WWOX: variants seen among roughly 807,000 people sequenced by gnomAD.
The protein encoded by WWOX is WW domain-containing oxidoreductase.
In WWOX, 69 loss-of-function variants were observed where a neutral mutation model predicts 46.2. The ratio of observed to expected loss-of-function variants is 1.49; its 90% CI spans 1.23 to 1.82. The LOEUF (loss-of-function observed/expected upper bound fraction) is 1.82, where lower values mean the gene tolerates loss of function less well. WWOX is among the 40% of genes most tolerant of loss of function. WWOX has a pLI of 0.00. For missense variants in WWOX, 919 were observed against 542.6 expected, an observed-to-expected ratio of 1.69 and a Z score of -6.89; for synonymous variants, 359 against 202.6, an observed-to-expected ratio of 1.77 and a Z score of -6.56.
chr16:79,159,260 A>G (rs1424569392), intron 8 of WWOX, among the ~76,000 whole-genome samples: 1 of 151,952 alleles, frequency 6.6e-6, no homozygotes, highest in Non-Finnish European at 1.5e-5. Flanking sequence ...ACCTAATCTC[A>G]TTCGGTGCAT....
intron 5 of WWOX, among the ~76,000 whole-genome samples, chr16:78,239,598 G>T (rs527839621): frequency 6.6e-6 from 1 of 152,042 alleles, no homozygotes; most frequent in African/African-American, 2.4e-5. Context: ...GCAGCAGCGC[G>T]ATCTTGGCTC....
chr16:78,254,224 C>T (rs1009338818), intron 5 of WWOX, among the ~76,000 whole-genome samples: 1 of 151,744 alleles, frequency 6.6e-6, no homozygotes, highest in South Asian at 2.1e-4. Flanking sequence ...CCAAGCTCGG[C>T]TAAATTTTTT....
chr16:79,182,287 G>A (rs1396961712), intron 8 of WWOX, among the ~76,000 whole-genome samples: 1 of 152,010 alleles, frequency 6.6e-6, no homozygotes, highest in East Asian at 1.9e-4. Context: ...TCCTGGCCCT[G>A]CCCCATGATA....
intron 8 of WWOX, among the ~76,000 whole-genome samples, chr16:79,161,369 A>G (rs2050483184): frequency 1.3e-5 from 2 of 152,172 alleles, no homozygotes; most frequent in African/African-American, 4.8e-5. Flanking sequence ...GTTGTTGTTA[A>G]GGATGAAATG....
chr16:78,864,446 T>G (rs142127052), intron 8 of WWOX, among the ~76,000 whole-genome samples: 125 of 152,164 alleles, frequency 8.2e-4, no homozygotes, highest in African/African-American at 2.8e-3. Flanking sequence ...TTTTGTATTT[T>G]TTTGTAGAGG....
intron 5 of WWOX, among the ~76,000 whole-genome samples, chr16:78,324,113 T>A (rs1759926594): frequency 6.6e-6 from 1 of 152,056 alleles, no homozygotes; most frequent in African/African-American, 2.4e-5. Flanking sequence ...AAGGATGGGA[T>A]TTGAACGTCT....
At chr16:79,129,282 A>G (rs1001442946) in intron 8 of WWOX, among the ~76,000 whole-genome samples, 1 of 150,940 alleles carries the variant, frequency 6.6e-6, no homozygotes, top group Non-Finnish European at 1.5e-5. Flanking sequence ...GTGCTGCCCA[A>G]TATTAAAAGA....
chr16:78,752,121 T>A (rs1164618626), intron 8 of WWOX, among the ~76,000 whole-genome samples: 1 of 152,228 alleles, frequency 6.6e-6, no homozygotes, highest in African/African-American at 2.4e-5. Flanking sequence ...GTTGTCTCAA[T>A]CCATAAAAGA....
chr16:78,553,979 G>T (rs1489899483), intron 8 of WWOX, among the ~76,000 whole-genome samples: 1 of 152,108 alleles, frequency 6.6e-6, no homozygotes, highest in African/African-American at 2.4e-5. Context: ...ATGCTCTACT[G>T]AGGAGTGGAA....
chr16:79,006,736 C>G (rs757939622), intron 8 of WWOX, among the ~76,000 whole-genome samples: 3 of 152,088 alleles, frequency 2.0e-5, no homozygotes, highest in Non-Finnish European at 4.4e-5. Context: ...TGTACCCTTG[C>G]GTCTTCCGTT....
chr16:78,465,519 T>A (rs1047163921), intron 8 of WWOX, among the ~76,000 whole-genome samples: 1 of 152,196 alleles, frequency 6.6e-6, no homozygotes, highest in Non-Finnish European at 1.5e-5. Context: ...TTTTATCACA[T>A]GACCACAAGT....
At chr16:79,061,330 A>T (rs746687480) in intron 8 of WWOX, among the ~76,000 whole-genome samples, 1 of 152,218 alleles carries the variant, frequency 6.6e-6, no homozygotes, top group Non-Finnish European at 1.5e-5. Context: ...CTGACTGGTG[A>T]TGAATTACAA....
chr16:78,935,612 G>T (rs954015547), intron 8 of WWOX, among the ~76,000 whole-genome samples: 2 of 143,152 alleles, frequency 1.4e-5, no homozygotes, highest in African/African-American at 2.6e-5. Flanking sequence ...GTCGTGGGCT[G>T]GGGGGAGGGG....
chr16:78,744,128 G>C (rs1453353236), intron 8 of WWOX, among the ~76,000 whole-genome samples: 1 of 152,162 alleles, frequency 6.6e-6, no homozygotes, highest in African/African-American at 2.4e-5. Context: ...CGTGTGCTCT[G>C]AGAACACAGT....
intron 8 of WWOX, among the ~76,000 whole-genome samples, chr16:78,864,917 C>A (rs1351008163): frequency 6.6e-6 from 1 of 151,718 alleles, no homozygotes; most frequent in Non-Finnish European, 1.5e-5. Flanking sequence ...CGTGCACCAC[C>A]ACACCTGGCT....
In WWOX at chr16:78,172,027, G is replaced by A. The variant is rs546371063; in HGVS notation, c.516+7738G>A. Among the ~76,000 whole-genome samples, 6 of 152,350 alleles carry A rather than the reference G, an allele frequency of 3.9e-5. No homozygotes were observed. In the East Asian group the frequency reaches 1.2e-3, roughly 29 times the overall value. ...AGATGAGGCAGTTTAGAGGCTGGAA[G>A]AGGCATAGACTTTCCCAGGCTCACA... On this transcript the variant is annotated intron_variant, in intron 5 of 8. Transcript: ENST00000566780.
chr16:78,884,817 C>A (rs973286786), intron 8 of WWOX, among the ~76,000 whole-genome samples: 1 of 152,072 alleles, frequency 6.6e-6, no homozygotes, highest in Non-Finnish European at 1.5e-5. Context: ...TTTACTCTAA[C>A]AAAAAGTTCA....
rs71140808 is a variant in WWOX, at chr16:78,527,991, C to CTTTT, written c.1056+95261_1056+95264dup. On this transcript the variant is annotated intron_variant, in intron 8 of 8. Transcript: ENST00000566780. ...CTATGTCACAGGACTGGTACATGTC[C>CTTTT]TTTTTTTTTTTTTTTTTTTTTTTTT... Among the ~76,000 whole-genome samples the CTTTT allele has an allele frequency of 2.8e-3, 98 of 34,882 alleles. 10 individuals are homozygous for CTTTT. The highest frequency in any genetic ancestry group is 8.5e-3 in the Admixed American group (17 of 1,994). The allele number at this position is 34,882 out of a possible 152,430, so 22.9% of individuals were successfully genotyped here.
At chr16:79,079,910 G>A (rs775025466) in intron 8 of WWOX, among the ~76,000 whole-genome samples, 13 of 151,900 alleles carry the variant, frequency 8.6e-5, no homozygotes, top group Admixed American at 1.3e-4. Flanking sequence ...GAAAATAAGC[G>A]GAAAGATCCT....
Sources: gnomAD v4.1 joint callset for allele counts (sites outside exome capture counted in the v4.1 genomes callset) on GRCh38, gnomAD v4.1.1 for gene constraint, MANE v1.5 for transcripts, NCBI Gene and HGNC (gene_info 2026-07-23, HGNC 2026-07-21) for gene names.